Variants in AFF3 observed in about 807,000 individuals in gnomAD.
The protein encoded by AFF3 is ALF transcription elongation factor 3.
In AFF3, 32 loss-of-function variants were observed where a neutral mutation model predicts 129.7. The observed-to-expected ratio is 0.25, with a 90% confidence interval of 0.19 to 0.33. AFF3 has a LOEUF of 0.33. AFF3 is among the 10% of genes least tolerant of loss of function. The pLI is 1.00. For missense variants in AFF3, 1,373 were observed against 1,592.0 expected, an observed-to-expected ratio of 0.86 and a Z score of 2.34; for synonymous variants, 644 against 635.4, an observed-to-expected ratio of 1.01 and a Z score of -0.20.
At chr2:100,122,516 G>A (rs922478948) in intron 2 of AFF3, among the ~76,000 whole-genome samples, 2 of 152,186 alleles carry the variant, frequency 1.3e-5, no homozygotes, top group Non-Finnish European at 1.5e-5. Flanking sequence ...AGAGATGGTC[G>A]CAGCAGAGAG....
At chr2:99,570,938 T>C (rs903937204) in intron 18 of AFF3, among the ~76,000 whole-genome samples, 1 of 152,254 alleles carries the variant, frequency 6.6e-6, no homozygotes, top group African/African-American at 2.4e-5. Flanking sequence ...CCTTGGTCCA[T>C]GTTCCCCTCT....
chr2:99,700,464 C>A (rs530563624), intron 11 of AFF3, among the ~76,000 whole-genome samples: 2 of 152,174 alleles, frequency 1.3e-5, no homozygotes, highest in Admixed American at 6.6e-5. Flanking sequence ...AAAATTCCCA[C>A]GTTCACATTA....
At chr2:99,585,170 AC>A (rs1677971912) in intron 16 of AFF3, among the ~76,000 whole-genome samples, 1 of 152,186 alleles carries the variant, frequency 6.6e-6, no homozygotes, top group African/African-American at 2.4e-5. Flanking sequence ...GTGAAGAAAG[AC>A]CTTTTCCTCA....
intron 7 of AFF3, among the ~76,000 whole-genome samples, chr2:99,979,086 A>C (rs144536383): frequency 6.6e-6 from 1 of 152,142 alleles, no homozygotes; most frequent in Non-Finnish European, 1.5e-5. Context: ...GAAGTATATA[A>C]ATAGGGCATA....
Position 99,616,158 on chromosome 2 carries a change from G to A in AFF3, c.1185-14537C>T, listed in dbSNP as rs752669914. Among the ~76,000 whole-genome samples the A allele has an allele frequency of 3.9e-5, 6 of 152,232 alleles. No individual in the cohort carries two copies. In the South Asian group the frequency reaches 1.0e-3, roughly 26 times the overall value. ...CTCTTTTACCCCAAGCAATGGGAGC[G>A]TTTTAAGGCAATGTAACCCATTAGA... On this transcript the variant is annotated intron_variant, in intron 13 of 24. Transcript: ENST00000672756.
At chr2:99,664,384 G>C (rs987636400) in intron 12 of AFF3, among the ~76,000 whole-genome samples, 2 of 152,312 alleles carry the variant, frequency 1.3e-5, no homozygotes, top group East Asian at 1.9e-4. Flanking sequence ...TTCTTGAAAG[G>C]GAAGGCTGTG....
At chr2:99,839,710 C>G (rs551396043) in intron 7 of AFF3, among the ~76,000 whole-genome samples, 1 of 151,724 alleles carries the variant, frequency 6.6e-6, no homozygotes, top group East Asian at 1.9e-4. Flanking sequence ...CTCCCAGGTT[C>G]AAGTGATTCT....
chr2:99,739,492 G>A (rs927202613), intron 10 of AFF3, among the ~76,000 whole-genome samples: 12 of 152,078 alleles, frequency 7.9e-5, no homozygotes, highest in African/African-American at 1.7e-4. Context: ...TGAACAGGAC[G>A]TTCTCATAAT....
intron 8 of AFF3, among the ~76,000 whole-genome samples, chr2:99,815,698 G>A (rs1687170171): frequency 6.7e-6 from 1 of 150,124 alleles, no homozygotes; most frequent in Non-Finnish European, 1.5e-5. Context: ...AGAATTCTGG[G>A]TTGAGAGTTT....
chr2:100,085,098 A>T (rs949798061), intron 4 of AFF3, among the ~76,000 whole-genome samples: 3 of 151,184 alleles, frequency 2.0e-5, no homozygotes, highest in African/African-American at 4.9e-5. Flanking sequence ...TTTGATGATA[A>T]ACTAAAGAAA....
intron 7 of AFF3, among the ~76,000 whole-genome samples, chr2:99,982,579 G>A (rs1027676567): frequency 2.6e-5 from 4 of 152,122 alleles, no homozygotes; most frequent in Non-Finnish European, 4.4e-5. Context: ...AGGAGCTTAG[G>A]CAACCACAGA....
intron 22 of AFF3, 115 bp downstream of exon 22, chr2:99,558,760 G>T: frequency 1.0e-6 from 1 of 960,604 alleles, no homozygotes. Flanking sequence ...TTACCTTGGG[G>T]ACCAGAGGTG....
chr2:99,802,334 T>A (rs1686000742), intron 8 of AFF3, among the ~76,000 whole-genome samples: 1 of 152,204 alleles, frequency 6.6e-6, no homozygotes, highest in African/African-American at 2.4e-5. Flanking sequence ...CAAGTGATCA[T>A]GAAGTCTGAC....
intron 7 of AFF3, among the ~76,000 whole-genome samples, chr2:99,959,927 C>T (rs1677061448): frequency 6.6e-6 from 1 of 151,950 alleles, no homozygotes; most frequent in African/African-American, 2.4e-5. Flanking sequence ...CAAAGGACCA[C>T]AGATATTTTA....
At chr2:99,855,133 A>T (rs1348584903) in intron 7 of AFF3, among the ~76,000 whole-genome samples, 1 of 152,356 alleles carries the variant, frequency 6.6e-6, no homozygotes, top group East Asian at 1.9e-4. Context: ...ACTACAAAAA[A>T]ATCGTTAAAA....
intron 8 of AFF3, among the ~76,000 whole-genome samples, chr2:99,779,521 T>C (rs1387487970): frequency 6.6e-6 from 1 of 152,152 alleles, no homozygotes; most frequent in Non-Finnish European, 1.5e-5. Context: ...ATTATTCTTA[T>C]TAGTCAGTTA....
intron 4 of AFF3, among the ~76,000 whole-genome samples, chr2:100,065,449 G>C (rs1398018723): frequency 6.6e-6 from 1 of 152,166 alleles, no homozygotes; most frequent in African/African-American, 2.4e-5. Flanking sequence ...ATAGAAAACA[G>C]CCCTAAAGAT....
intron 8 of AFF3, among the ~76,000 whole-genome samples, chr2:99,825,771 C>T (rs892436718): frequency 9.2e-5 from 14 of 152,194 alleles, no homozygotes; most frequent in African/African-American, 3.1e-4. Context: ...CTGCTGCACT[C>T]CCTCCTGTTT....
chr2:99,992,768 C>T (rs911876352), intron 7 of AFF3, among the ~76,000 whole-genome samples: 9 of 152,166 alleles, frequency 5.9e-5, no homozygotes, highest in African/African-American at 9.7e-5. Context: ...CTCAGAAAGT[C>T]GTAAGTGAGA....
Sources: allele counts gnomAD v4.1 joint callset (sites outside exome capture counted in the v4.1 genomes callset), GRCh38; gene constraint gnomAD v4.1.1; transcripts MANE v1.5; gene names NCBI Gene and HGNC (gene_info 2026-07-23, HGNC 2026-07-21).